The following PABPC4L variants were observed in gnomAD, a reference collection of about 807,000 sequenced individuals.
PABPC4L encodes the protein poly(A) binding protein cytoplasmic 4 like.
For synonymous variants in PABPC4L, 169 were observed against 164.1 expected, an observed-to-expected ratio of 1.03 and a Z score of -0.23; for missense variants, 452 against 451.4, an observed-to-expected ratio of 1.00 and a Z score of -0.01.
chr4:134,031,393 G>C, the PABPC4L span, among the ~76,000 whole-genome samples: 1 of 151,912 alleles, frequency 6.6e-6, no homozygotes, highest in Admixed American at 6.6e-5. Context: ...TAAACTTCAT[G>C]AGAGCAAAAT....
the PABPC4L span, among the ~76,000 whole-genome samples, chr4:133,954,603 G>A: frequency 6.6e-6 from 1 of 151,958 alleles, no homozygotes; most frequent in Non-Finnish European, 1.5e-5. Context: ...GGTCTCTTTA[G>A]TTCCCTCTTT....
At chr4:134,186,226 C>G in the PABPC4L span, among the ~76,000 whole-genome samples, 1 of 152,058 alleles carries the variant, frequency 6.6e-6, no homozygotes, top group Non-Finnish European at 1.5e-5. Flanking sequence ...CCCATATTTC[C>G]AAGACAATCC....
At chr4:133,978,571 G>A in the PABPC4L span, among the ~76,000 whole-genome samples, 1 of 152,088 alleles carries the variant, frequency 6.6e-6, no homozygotes, top group Non-Finnish European at 1.5e-5. Context: ...GTGTGTGTGT[G>A]TGTGTTGTGT....
At chr4:134,063,036 G>C in the PABPC4L span, among the ~76,000 whole-genome samples, 1 of 152,216 alleles carries the variant, frequency 6.6e-6, no homozygotes, top group Admixed American at 6.6e-5. Context: ...AACTAGACAA[G>C]CCAGACAAAA....
At chr4:134,025,923 C>G in the PABPC4L span, among the ~76,000 whole-genome samples, 1 of 151,942 alleles carries the variant, frequency 6.6e-6, no homozygotes, top group Non-Finnish European at 1.5e-5. Flanking sequence ...TATTTCAGAA[C>G]CAAGGAAGGG....
chr4:134,101,792 C>T, the PABPC4L span, among the ~76,000 whole-genome samples: 1 of 151,404 alleles, frequency 6.6e-6, no homozygotes, highest in South Asian at 2.1e-4. Context: ...TGAGACAAGG[C>T]CATACATCCT....
the PABPC4L span, among the ~76,000 whole-genome samples, chr4:134,047,536 C>T: frequency 6.6e-6 from 1 of 152,128 alleles, no homozygotes; most frequent in Middle Eastern, 3.2e-3. Context: ...TGGCTCAGCC[C>T]TCATTAACAC....
the PABPC4L span, among the ~76,000 whole-genome samples, chr4:134,112,622 C>A: frequency 2.7e-5 from 4 of 146,270 alleles, no homozygotes; most frequent in East Asian, 4.0e-4. Flanking sequence ...ATCTATATAT[C>A]TATCTATATA....
chr4:133,976,268 C>T, the PABPC4L span, among the ~76,000 whole-genome samples: 1 of 152,076 alleles, frequency 6.6e-6, no homozygotes, highest in Non-Finnish European at 1.5e-5. Flanking sequence ...CATTCACGTC[C>T]CTGGAAAGGG....
chr4:133,981,959 T>G, the PABPC4L span, among the ~76,000 whole-genome samples: 2 of 152,140 alleles, frequency 1.3e-5, no homozygotes, highest in East Asian at 3.9e-4. Context: ...TTGTATTGGT[T>G]GGACTTTTTT....
chr4:134,004,026 A>G, the PABPC4L span, among the ~76,000 whole-genome samples: 1 of 152,068 alleles, frequency 6.6e-6, no homozygotes, highest in East Asian at 1.9e-4. Context: ...AAGACATGAA[A>G]CTCCAAAACC....
At chr4:134,015,146 C>T in the PABPC4L span, among the ~76,000 whole-genome samples, 3 of 152,112 alleles carry the variant, frequency 2.0e-5, no homozygotes, top group Admixed American at 2.0e-4. Flanking sequence ...TTACCCTGCT[C>T]AATGCCAATA....
the PABPC4L span, among the ~76,000 whole-genome samples, chr4:134,106,152 T>A: frequency 6.6e-6 from 1 of 151,624 alleles, no homozygotes; most frequent in Non-Finnish European, 1.5e-5. Flanking sequence ...CAACCTGTAA[T>A]TCCAGATTAA....
chr4:134,059,636 T>C, the PABPC4L span, among the ~76,000 whole-genome samples: 1 of 150,976 alleles, frequency 6.6e-6, no homozygotes, highest in African/African-American at 2.4e-5. Flanking sequence ...GAAATAGAAC[T>C]ATAGAAATAA....
At chr4:134,146,317 T>A in the PABPC4L span, among the ~76,000 whole-genome samples, 1 of 147,792 alleles carries the variant, frequency 6.8e-6, no homozygotes, top group African/African-American at 2.5e-5. Flanking sequence ...AAAGATGCAA[T>A]TTGAATAAAA....
the PABPC4L span, among the ~76,000 whole-genome samples, chr4:134,188,876 T>C: frequency 6.6e-6 from 1 of 152,082 alleles, no homozygotes; most frequent in African/African-American, 2.4e-5. Flanking sequence ...CATTATTGTT[T>C]CAGGTATTTC....
the PABPC4L span, among the ~76,000 whole-genome samples, chr4:133,994,269 A>G: frequency 3.5e-4 from 53 of 152,014 alleles, no homozygotes; most frequent in African/African-American, 1.3e-3. Context: ...GGCTCTTTGT[A>G]ATTTCTCTCC....
At chr4:134,173,182 A>T in the PABPC4L span, among the ~76,000 whole-genome samples, 1 of 146,494 alleles carries the variant, frequency 6.8e-6, no homozygotes, top group Non-Finnish European at 1.5e-5. Context: ...AAAAAAAAAG[A>T]AACTGAAAAT....
rs1729842539 is a variant in PABPC4L, at chr4:134,200,810, T to G, written c.210A>C (p.Thr70=). The G allele has an allele frequency of 6.4e-7, 1 of 1,552,574 alleles. No individual in the cohort carries two copies. The highest frequency in any genetic ancestry group is 8.7e-7 in the Non-Finnish European group (1 of 1,147,464). ...TGCCTTTTATGATGTCAAAGTTCAT[T>G]GTGTCCAGCGCCTTCTGGGCATCAG... ...QLADAQKALD[T]MNFDIIKGKS... Residue 70 remains threonine (T), a synonymous_variant, in exon 2 of 2, where the codon ACA becomes ACC. Transcript: ENST00000421491.
Sources: gnomAD v4.1 joint callset for allele counts (sites outside exome capture counted in the v4.1 genomes callset) on GRCh38, gnomAD v4.1.1 for gene constraint, MANE v1.5 for transcripts, NCBI Gene and HGNC (gene_info 2026-07-23, HGNC 2026-07-21) for gene names.